The following CPLX1 variants were observed in gnomAD, a reference collection of about 807,000 sequenced individuals.
The protein encoded by CPLX1 is complexin-1.
A neutral mutation model predicts 15.6 loss-of-function variants in CPLX1; 6 were observed. The ratio of observed to expected loss-of-function variants is 0.39; its 90% confidence interval spans 0.21 to 0.76. CPLX1 has a LOEUF of 0.76. Ranked by LOEUF, CPLX1 falls within the 30% of genes least tolerant of loss-of-function variation. CPLX1 has a pLI of 0.43. For synonymous variants in CPLX1, 91 were observed against 75.2 expected, an observed-to-expected ratio of 1.21 and a Z score of -1.08; for missense variants, 242 against 188.6, an observed-to-expected ratio of 1.28 and a Z score of -1.66.
chr4:812,927 A>G (rs1746690264), intron 2 of CPLX1, among the ~76,000 whole-genome samples: 1 of 152,124 alleles, frequency 6.6e-6, no homozygotes, highest in Non-Finnish European at 1.5e-5. Flanking sequence ...TTGAACATAT[A>G]TGCTTATTGA....
chr4:824,853 G>T (rs1002045659), intron 1 of CPLX1: 12 of 533,436 alleles, frequency 2.2e-5, no homozygotes, highest in Non-Finnish European at 4.3e-5. Flanking sequence ...ATGGCTTAGG[G>T]GGCATCGCTC....
At chr4:807,648 TTTA>T in intron 2 of CPLX1, among the ~76,000 whole-genome samples, 1 of 151,970 alleles carries the variant, frequency 6.6e-6, no homozygotes. Context: ...CCAATTTTTT[TTTA>T]TTATTATTTT....
chr4:812,408 T>C (rs1208997235), intron 2 of CPLX1, among the ~76,000 whole-genome samples: 1 of 152,072 alleles, frequency 6.6e-6, no homozygotes, highest in Non-Finnish European at 1.5e-5. Context: ...GGGTTTCTTG[T>C]ATGTAGCACA....
chr4:807,099 A>T (rs933592204), intron 2 of CPLX1, among the ~76,000 whole-genome samples: 1 of 152,258 alleles, frequency 6.6e-6, no homozygotes, highest in Non-Finnish European at 1.5e-5. Flanking sequence ...GATAGACTGG[A>T]TAAAGAAAAT....
chr4:795,272 C>T (rs1746297797), intron 2 of CPLX1, among the ~76,000 whole-genome samples: 1 of 152,262 alleles, frequency 6.6e-6, no homozygotes, highest in Non-Finnish European at 1.5e-5. Context: ...TTTGCTCTCC[C>T]GGCACAGACG....
Position 821,874 on chromosome 4 carries a change from C to T in CPLX1, c.31+2618G>A, listed in dbSNP as rs373214086. Among the ~76,000 whole-genome samples, 321 of 152,334 alleles carry T rather than the reference C, an allele frequency of 2.1e-3. 1 individual carries two copies. Among genetic ancestry groups the T allele is most frequent in the Middle Eastern group, 0.01 (3 of 294 alleles). ...ACTCACTCCTCAGCAAGACTCACAC[C>T]TGCGGCCCAGCCTGCCGCGGACAGC... is the stretch of plus-strand genomic sequence containing the variant. On this transcript the variant is annotated intron_variant, in intron 2 of 3. Transcript: ENST00000304062.
At chr4:794,638 G>T (rs2152643689) in intron 2 of CPLX1, among the ~76,000 whole-genome samples, 1 of 152,320 alleles carries the variant, frequency 6.6e-6, no homozygotes, top group South Asian at 2.1e-4. Context: ...AGTCCTGACT[G>T]CCTTTGTGCA....
chr4:789,460 C>T (rs1284510304), intron 3 of CPLX1, among the ~76,000 whole-genome samples: 1 of 152,238 alleles, frequency 6.6e-6, no homozygotes, highest in Non-Finnish European at 1.5e-5. Context: ...ACCAAACAGC[C>T]AGCATTCAGC....
intron 2 of CPLX1, among the ~76,000 whole-genome samples, chr4:810,876 T>C (rs1029548839): frequency 2.6e-4 from 40 of 152,098 alleles, no homozygotes; most frequent in African/African-American, 7.5e-4. Context: ...TTTGTATTCT[T>C]AGTAGAGGCA....
chr4:817,935 C>G (rs919771697), intron 2 of CPLX1, among the ~76,000 whole-genome samples: 2 of 152,228 alleles, frequency 1.3e-5, no homozygotes, highest in African/African-American at 4.8e-5. Context: ...AAACCAGCAT[C>G]TGAGGAGCCA....
intron 2 of CPLX1, among the ~76,000 whole-genome samples, chr4:810,103 G>A (rs1047209451): frequency 6.8e-6 from 1 of 146,062 alleles, no homozygotes; most frequent in Non-Finnish European, 1.5e-5. Context: ...AGGCTGGAGT[G>A]CAGTGGCATG....
At chr4:809,882 G>A (rs191925984) in intron 2 of CPLX1, among the ~76,000 whole-genome samples, 30 of 152,060 alleles carry the variant, frequency 2.0e-4, no homozygotes, top group Admixed American at 1.0e-3. Flanking sequence ...GGACTGGCCC[G>A]GTTACTGAGT....
At chr4:790,021 AGGGCGGG>A (rs1746121881) in intron 3 of CPLX1, among the ~76,000 whole-genome samples, 1 of 80,184 alleles carries the variant, frequency 1.2e-5, no homozygotes, top group African/African-American at 8.0e-5. Flanking sequence ...GCCACGCCTG[AGGGCGGG>A]GTTCCCCCAC....
chr4:788,309 C>T (rs1008149773), intron 3 of CPLX1: 2 of 985,266 alleles, frequency 2.0e-6, no homozygotes, highest in Non-Finnish European at 2.4e-6. Flanking sequence ...GGCACCTCTC[C>T]CCTCCCCTAG....
chr4:793,511 C>T lies in CPLX1; in HGVS notation c.32-903G>A, dbSNP rs569096559. Among the ~76,000 whole-genome samples, 101 of 152,334 alleles carry T rather than the reference C, an allele frequency of 6.6e-4. 1 individual carries two copies. Among genetic ancestry groups the T allele is most frequent in the African/African-American group, 2.2e-3 (92 of 41,570 alleles). On this transcript the variant is annotated intron_variant, in intron 2 of 3. Coordinates refer to ENST00000304062, the MANE Select transcript of CPLX1 (RefSeq NM_006651.4). Reference sequence around the variant, plus strand: ...AATTACGGGCTCTGAATACAGCAGGCACTGCGGGGAGCCCTGGCCCTCGGC... The same window carrying T: ...AATTACGGGCTCTGAATACAGCAGGTACTGCGGGGAGCCCTGGCCCTCGGC...
intron 2 of CPLX1, chr4:804,955 C>G (rs1462156694): frequency 1.1e-5 from 11 of 985,262 alleles, no homozygotes; most frequent in Non-Finnish European, 1.3e-5. Flanking sequence ...CACCCGGCGT[C>G]CCACTCCTGC....
intron 2 of CPLX1, among the ~76,000 whole-genome samples, chr4:798,756 T>C (rs1005287071): frequency 6.6e-6 from 1 of 152,182 alleles, no homozygotes; most frequent in African/African-American, 2.4e-5. Flanking sequence ...AATAAACACA[T>C]ATGTAAATGT....
At chr4:821,135 C>T (rs1255099446) in intron 2 of CPLX1, among the ~76,000 whole-genome samples, 1 of 152,240 alleles carries the variant, frequency 6.6e-6, no homozygotes, top group East Asian at 1.9e-4. Flanking sequence ...AGGACAGCTT[C>T]TCCACTGAAC....
intron 1 of CPLX1, among the ~76,000 whole-genome samples, chr4:825,206 G>A (rs905846574): frequency 6.6e-6 from 1 of 152,082 alleles, no homozygotes; most frequent in Non-Finnish European, 1.5e-5. Context: ...CCCCCGCCCC[G>A]GGGGCGTGCA....
Sources: allele counts gnomAD v4.1 joint callset (sites outside exome capture counted in the v4.1 genomes callset), GRCh38; gene constraint gnomAD v4.1.1; transcripts MANE v1.5; gene names NCBI Gene and HGNC (gene_info 2026-07-23, HGNC 2026-07-21).